The following STT3B variants were observed in gnomAD, a reference collection of about 807,000 sequenced individuals.
The protein encoded by STT3B is dolichyl-diphosphooligosaccharide--protein glycosyltransferase subunit STT3B.
In STT3B, 29 loss-of-function variants were observed where a neutral mutation model predicts 96.8. The observed-to-expected ratio is 0.30, with a 90% confidence interval of 0.22 to 0.41. The LOEUF (loss-of-function observed/expected upper bound fraction) is 0.41, where lower values mean the gene tolerates loss of function less well. STT3B is among the 10% of genes least tolerant of loss of function. The pLI is 1.00. For missense variants in STT3B, 640 were observed against 1,022.3 expected (o/e 0.63, Z 5.10); for synonymous variants, 367 against 360.0 (o/e 1.02, Z -0.22).
chr3:31,630,029 C>T (rs1427830303), intron 14 of STT3B, among the ~76,000 whole-genome samples: 1 of 152,170 alleles, frequency 6.6e-6, no homozygotes, highest in Non-Finnish European at 1.5e-5. Context: ...AACTCTCAGA[C>T]AATTTGTATC....
intron 1 of STT3B, among the ~76,000 whole-genome samples, chr3:31,545,429 T>A (rs1055017387): frequency 3.3e-5 from 5 of 152,354 alleles, no homozygotes; most frequent in Middle Eastern, 6.8e-3. Context: ...TGTGTAAGAA[T>A]CACAACATAA....
chr3:31,591,443 G>T (rs2125458713), intron 3 of STT3B, among the ~76,000 whole-genome samples: 2 of 152,070 alleles, frequency 1.3e-5, no homozygotes, highest in Admixed American at 6.5e-5. Context: ...TGTTTGATTT[G>T]CACCTGCCAT....
chr3:31,580,139 C>G (rs560425007), intron 3 of STT3B, 43 bp downstream of exon 3: 2 of 1,579,884 alleles, frequency 1.3e-6, no homozygotes, highest in East Asian at 2.2e-5. Flanking sequence ...TACTCGTGAC[C>G]TTTCTCCTGA....
chr3:31,597,920 C>T (rs530407528), intron 4 of STT3B, among the ~76,000 whole-genome samples: 25 of 150,862 alleles, frequency 1.7e-4, no homozygotes, highest in South Asian at 4.2e-4. Context: ...ACGGCAACCT[C>T]GGCCTCCTGG....
Position 31,625,932 on chromosome 3 carries a change from CAT to C in STT3B, c.1900-21_1900-20del, listed in dbSNP as rs1491390931. 1.9e-6 allele frequency: 3 copies of C among 1,549,072 alleles called. No homozygotes were observed. The South Asian group carries it at 3.7e-5, about 19-fold the overall frequency. ...ATGTGGGAATAATCAAAAACATTCTCATTTTTTTTTAAATTCTGCAGGTGGGA... is the reference window on the plus strand; with the variant it reads ...ATGTGGGAATAATCAAAAACATTCTCTTTTTTTTAAATTCTGCAGGTGGGA... On this transcript the variant is annotated intron_variant, in intron 12 of 15. Transcript: ENST00000295770.
chr3:31,543,976 GAC>G (rs900576205), intron 1 of STT3B, among the ~76,000 whole-genome samples: 2 of 152,122 alleles, frequency 1.3e-5, no homozygotes, highest in African/African-American at 4.8e-5. Context: ...AATGAAAAAA[GAC>G]AGATGACAGC....
At chr3:31,586,969 T>C (rs1403015637) in intron 3 of STT3B, among the ~76,000 whole-genome samples, 1 of 152,144 alleles carries the variant, frequency 6.6e-6, no homozygotes, top group Non-Finnish European at 1.5e-5. Flanking sequence ...AGAATTGTTA[T>C]CTTAATATGT....
rs577603062 is a variant in STT3B, at chr3:31,566,885, A to G, written c.315-9511A>G. Among the ~76,000 whole-genome samples, 222 of 152,336 alleles carry G rather than the reference A, an allele frequency of 1.5e-3. 1 individual carries two copies. Among genetic ancestry groups the G allele is most frequent in the Non-Finnish European group, 2.4e-3 (163 of 68,028 alleles). On this transcript the variant is annotated intron_variant, in intron 1 of 15. Coordinates refer to ENST00000295770, the MANE Select transcript of STT3B (RefSeq NM_178862.3). Reference sequence around the variant, plus strand: ...TCCAGTGCTCTATTTCCAGTGCCTAACAGAAACCTGGTACACTATGGTTGC... The same window carrying G: ...TCCAGTGCTCTATTTCCAGTGCCTAGCAGAAACCTGGTACACTATGGTTGC...
chr3:31,562,821 C>T (rs1383548526), intron 1 of STT3B, among the ~76,000 whole-genome samples: 7 of 152,150 alleles, frequency 4.6e-5, no homozygotes, highest in Non-Finnish European at 1.5e-5. Context: ...TTTAATGGGG[C>T]CTGTGTTCTC....
intron 11 of STT3B, among the ~76,000 whole-genome samples, chr3:31,624,471 C>T (rs1387976518): frequency 2.0e-5 from 3 of 152,144 alleles, no homozygotes; most frequent in South Asian, 2.1e-4. Context: ...TTGACCTCAC[C>T]CTAATGTTAC....
intron 1 of STT3B, among the ~76,000 whole-genome samples, chr3:31,554,992 G>C (rs945544712): frequency 6.6e-6 from 1 of 152,092 alleles, no homozygotes; most frequent in Non-Finnish European, 1.5e-5. Flanking sequence ...CTTGGGTGCA[G>C]AACTGGATCA....
At chr3:31,618,863 T>C (rs538646626) in intron 8 of STT3B, among the ~76,000 whole-genome samples, 32 of 152,034 alleles carry the variant, frequency 2.1e-4, no homozygotes, top group Non-Finnish European at 3.4e-4. Context: ...CTTGTGCAGT[T>C]ATATTATAAA....
At chr3:31,590,377 A>G (rs982350489) in intron 3 of STT3B, among the ~76,000 whole-genome samples, 3 of 151,962 alleles carry the variant, frequency 2.0e-5, no homozygotes, top group African/African-American at 7.2e-5. Context: ...TTAAAGTTGA[A>G]GCTTAAGTTA....
intron 3 of STT3B, among the ~76,000 whole-genome samples, chr3:31,585,460 T>G (rs1698515600): frequency 6.6e-6 from 1 of 152,116 alleles, no homozygotes; most frequent in African/African-American, 2.4e-5. Context: ...TACATGTTTG[T>G]TATTATTTAC....
chr3:31,552,841 C>T (rs1433382630), intron 1 of STT3B, among the ~76,000 whole-genome samples: 1 of 152,046 alleles, frequency 6.6e-6, no homozygotes, highest in African/African-American at 2.4e-5. Flanking sequence ...CGGTGGCTCA[C>T]GCCTGTAATC....
At chr3:31,608,319 T>C (rs769027975) in intron 5 of STT3B, among the ~76,000 whole-genome samples, 7 of 152,216 alleles carry the variant, frequency 4.6e-5, no homozygotes, top group Admixed American at 1.3e-4. Context: ...AAGCTAGTTA[T>C]TGGGGGAAAG....
intron 5 of STT3B, among the ~76,000 whole-genome samples, chr3:31,609,370 A>AT (rs1461634811): frequency 6.6e-6 from 1 of 152,158 alleles, no homozygotes; most frequent in African/African-American, 2.4e-5. Context: ...TTACATAAAA[A>AT]TTATATATTC....
chr3:31,551,785 G>C (rs954091433), intron 1 of STT3B, among the ~76,000 whole-genome samples: 1 of 152,184 alleles, frequency 6.6e-6, no homozygotes, highest in African/African-American at 2.4e-5. Flanking sequence ...CCGTGATTAT[G>C]TGACGTTGTG....
intron 5 of STT3B, 33 bp from the exon 6 acceptor site, chr3:31,615,072 A>T (rs1308243919): frequency 1.4e-5 from 19 of 1,389,362 alleles, no homozygotes; most frequent in Non-Finnish European, 1.8e-5. Flanking sequence ...TGGTAGTAGT[A>T]AATTATCCTT....
Sources: allele counts gnomAD v4.1 joint callset (sites outside exome capture counted in the v4.1 genomes callset), GRCh38; gene constraint gnomAD v4.1.1; transcripts MANE v1.5; gene names NCBI Gene and HGNC (gene_info 2026-07-23, HGNC 2026-07-21).